The following PBX3 variants were observed in gnomAD, a reference collection of about 807,000 sequenced individuals.
The protein encoded by PBX3 is pre-B-cell leukemia transcription factor 3.
PBX3 carries 14 observed loss-of-function variants against 48.5 expected under a neutral mutation model. That is an observed-to-expected ratio of 0.29 (90% CI 0.19 to 0.45). PBX3 has a LOEUF of 0.45. Among genes scored for constraint, PBX3 ranks in the 20% least tolerant of loss-of-function variants. The pLI is 1.00. For synonymous variants in PBX3, 210 were observed against 200.3 expected, an observed-to-expected ratio of 1.05 and a Z score of -0.41; for missense variants, 386 against 546.7, an observed-to-expected ratio of 0.71 and a Z score of 2.93.
intron 2 of PBX3, among the ~76,000 whole-genome samples, chr9:125,769,978 A>G (rs1836900965): frequency 6.6e-6 from 1 of 152,176 alleles, no homozygotes; most frequent in Admixed American, 6.5e-5. Context: ...TTGCTATCAC[A>G]TTGGTTAAGC....
chr9:125,917,835 T>C (rs1841367688), intron 3 of PBX3, among the ~76,000 whole-genome samples: 1 of 152,172 alleles, frequency 6.6e-6, no homozygotes, highest in Non-Finnish European at 1.5e-5. Flanking sequence ...GATCTAAAAT[T>C]GTATGTCTAG....
At chr9:125,893,183 C>T (rs759775177) in intron 2 of PBX3, among the ~76,000 whole-genome samples, 50 of 152,332 alleles carry the variant, frequency 3.3e-4, no homozygotes, top group Admixed American at 3.3e-4. Context: ...TAATTAATAT[C>T]AGTCTATACC....
At chr9:125,886,304 C>CCT (rs1840500093) in intron 2 of PBX3, among the ~76,000 whole-genome samples, 1 of 152,014 alleles carries the variant, frequency 6.6e-6, no homozygotes, top group Admixed American at 6.6e-5. Context: ...TTTATATAGG[C>CCT]CTCTGCCTCT....
chr9:125,886,928 C>G (rs901398164), intron 2 of PBX3, among the ~76,000 whole-genome samples: 2 of 152,150 alleles, frequency 1.3e-5, no homozygotes, highest in Admixed American at 1.3e-4. Context: ...TTTAGATTTT[C>G]ACTATACAGC....
At chr9:125,939,565 C>T (rs1841914248) in intron 5 of PBX3, among the ~76,000 whole-genome samples, 1 of 152,098 alleles carries the variant, frequency 6.6e-6, no homozygotes, top group Non-Finnish European at 1.5e-5. Context: ...ATGCATATAC[C>T]ATTCAACCCA....
intron 2 of PBX3, among the ~76,000 whole-genome samples, chr9:125,897,611 C>T (rs1840804771): frequency 6.6e-6 from 1 of 151,856 alleles, no homozygotes; most frequent in Non-Finnish European, 1.5e-5. Flanking sequence ...AATGTATTCA[C>T]ATGTCTAAAA....
intron 2 of PBX3, among the ~76,000 whole-genome samples, chr9:125,782,531 G>A (rs1164843534): frequency 6.6e-6 from 1 of 152,094 alleles, no homozygotes; most frequent in Admixed American, 6.6e-5. Context: ...CATTAAAATA[G>A]CCATAATTGT....
At chr9:125,892,538 AT>A (rs1267508599) in intron 2 of PBX3, among the ~76,000 whole-genome samples, 13 of 152,202 alleles carry the variant, frequency 8.5e-5, no homozygotes, top group Non-Finnish European at 1.6e-4. Flanking sequence ...TATGAAGCTT[AT>A]GATACTATTT....
intron 5 of PBX3, among the ~76,000 whole-genome samples, chr9:125,939,860 G>A (rs1266582926): frequency 6.6e-6 from 1 of 152,182 alleles, no homozygotes; most frequent in Non-Finnish European, 1.5e-5. Flanking sequence ...ACAGCATATT[G>A]TCAGGGGAGA....
chr9:125,832,840 C>CT (rs1839005463), intron 2 of PBX3, among the ~76,000 whole-genome samples: 1 of 152,122 alleles, frequency 6.6e-6, no homozygotes, highest in South Asian at 2.1e-4. Context: ...GGTCTTGCTG[C>CT]TGTTGGGTGT....
intron 5 of PBX3, among the ~76,000 whole-genome samples, chr9:125,945,286 G>C (rs1842043147): frequency 6.6e-6 from 1 of 151,920 alleles, no homozygotes; most frequent in African/African-American, 2.4e-5. Flanking sequence ...GTAAGATAAA[G>C]CACGTGTAAA....
chr9:125,789,437 T>C (rs1363744802), intron 2 of PBX3, among the ~76,000 whole-genome samples: 2 of 152,206 alleles, frequency 1.3e-5, no homozygotes, highest in Non-Finnish European at 2.9e-5. Flanking sequence ...CTCACATGAC[T>C]ATTGACAGTA....
intron 2 of PBX3, among the ~76,000 whole-genome samples, chr9:125,909,344 A>G (rs527603067): frequency 6.6e-6 from 1 of 152,272 alleles, no homozygotes; most frequent in East Asian, 1.9e-4. Flanking sequence ...AAACTGAAGG[A>G]TTTTTAAGAA....
intron 2 of PBX3, among the ~76,000 whole-genome samples, chr9:125,885,130 C>T (rs771241701): frequency 7.2e-5 from 11 of 151,984 alleles, no homozygotes; most frequent in Admixed American, 2.0e-4. Context: ...CTCCTTGATA[C>T]CAGCACAACT....
intron 2 of PBX3, among the ~76,000 whole-genome samples, chr9:125,767,567 T>C (rs1836832017): frequency 1.3e-5 from 2 of 152,196 alleles, no homozygotes; most frequent in Admixed American, 6.5e-5. Flanking sequence ...ATAAAAGCAG[T>C]GGACCCACTG....
chr9:125,932,970 C>G (rs1841751401), intron 4 of PBX3, among the ~76,000 whole-genome samples: 1 of 152,190 alleles, frequency 6.6e-6, no homozygotes, highest in South Asian at 2.1e-4. Context: ...CCACTGCACA[C>G]TGGCCTGAGG....
At chr9:125,828,205 T>G (rs2132181000) in intron 2 of PBX3, among the ~76,000 whole-genome samples, 1 of 152,290 alleles carries the variant, frequency 6.6e-6, no homozygotes, top group African/African-American at 2.4e-5. Context: ...ACATTTTCAT[T>G]GGGTAATAAT....
intron 5 of PBX3, among the ~76,000 whole-genome samples, chr9:125,935,895 T>A (rs1841825558): frequency 6.6e-6 from 1 of 152,196 alleles, no homozygotes; most frequent in Non-Finnish European, 1.5e-5. Flanking sequence ...TACACTTAAG[T>A]GACTCTCCAG....
intron 2 of PBX3, among the ~76,000 whole-genome samples, chr9:125,798,013 A>G (rs1437028702): frequency 6.6e-6 from 1 of 152,186 alleles, no homozygotes; most frequent in Non-Finnish European, 1.5e-5. Context: ...GCTGTTTCAC[A>G]GATTTCAATG....
Sources: allele counts gnomAD v4.1 joint callset (sites outside exome capture counted in the v4.1 genomes callset), GRCh38; gene constraint gnomAD v4.1.1; transcripts MANE v1.5; gene names NCBI Gene and HGNC (gene_info 2026-07-23, HGNC 2026-07-21).